PLPPR1: variants seen among roughly 807,000 people sequenced by gnomAD.
PLPPR1 encodes phospholipid phosphatase related 1.
In PLPPR1, 10 loss-of-function variants were observed where a neutral mutation model predicts 33.1. That is an observed-to-expected ratio of 0.30 (90% CI 0.19 to 0.51). The LOEUF (loss-of-function observed/expected upper bound fraction) is 0.51. Among genes scored for constraint, PLPPR1 ranks in the 20% least tolerant of loss-of-function variants. The pLI is 0.97. For synonymous variants in PLPPR1, 151 were observed against 151.0 expected (o/e 1.00, Z 0.00); for missense variants, 304 against 408.1 (o/e 0.74, Z 2.20).
rs568014363 is a variant in PLPPR1 at position 101,082,201 on chromosome 9, C to CCAAT, written c.-46+53100_-46+53103dup. Among the ~76,000 whole-genome samples the CCAAT allele has an allele frequency of 1.9e-4, 29 of 152,254 alleles. 1 individual carries two copies. In the South Asian group the frequency reaches 6.0e-3, roughly 32 times the overall value. On this transcript the variant is annotated intron_variant, in intron 1 of 7. Coordinates refer to ENST00000374874, the MANE Select transcript of PLPPR1 (RefSeq NM_207299.2). ...AATCCACCTATTAATACTATATCTTCCAATTTCTTGTTGAAAAAGTGGTGT... is the reference window on the plus strand; with the variant it reads ...AATCCACCTATTAATACTATATCTTCCAATCAATTTCTTGTTGAAAAAGTGGTGT...
chr9:101,237,455 C>CGTGTGT (rs57041590), intron 2 of PLPPR1, among the ~76,000 whole-genome samples: 8 of 148,510 alleles, frequency 5.4e-5, no homozygotes, highest in African/African-American at 2.0e-4. Context: ...AAAGAAAGGT[C>CGTGTGT]GTGTGTGTGT....
chr9:101,065,842 A>G (rs1049355834), intron 1 of PLPPR1, among the ~76,000 whole-genome samples: 6 of 152,220 alleles, frequency 3.9e-5, no homozygotes, highest in East Asian at 3.9e-4. Context: ...ATTTCAAAGC[A>G]GTTTTATTTT....
intron 7 of PLPPR1, among the ~76,000 whole-genome samples, 154 bp from the exon 8 acceptor site, chr9:101,323,871 G>A (rs781351350): frequency 6.6e-6 from 1 of 152,100 alleles, no homozygotes; most frequent in Admixed American, 6.6e-5. Context: ...AAAGAGGTAA[G>A]GGAAATTCAG....
intron 1 of PLPPR1, among the ~76,000 whole-genome samples, chr9:101,179,590 C>T (rs1053643380): frequency 3.9e-5 from 6 of 151,908 alleles, no homozygotes; most frequent in African/African-American, 1.2e-4. Context: ...GGTACATTTC[C>T]AGTTGTATGA....
At chr9:101,163,395 T>A (rs1825799399) in intron 1 of PLPPR1, among the ~76,000 whole-genome samples, 1 of 152,024 alleles carries the variant, frequency 6.6e-6, no homozygotes, top group Non-Finnish European at 1.5e-5. Context: ...TACAAAGGAG[T>A]AGACAGAAAT....
chr9:101,226,947 G>A lies in PLPPR1; in HGVS notation c.63+41390G>A, dbSNP rs541849705. 1.5e-4 allele frequency among the ~76,000 whole-genome samples: 23 copies of A among 152,234 alleles called. 1 individual carries two copies. In the South Asian group the frequency reaches 4.8e-3, roughly 32 times the overall value. On this transcript the variant is annotated intron_variant, in intron 2 of 7. Transcript: ENST00000374874. ...CTGTTGGGTGGCAGATCTTCTGTGA[G>A]GTAGCGGAACCTGAAAGGTGATGAC...
At chr9:101,205,459 A>C (rs1415820719) in intron 2 of PLPPR1, among the ~76,000 whole-genome samples, 1 of 152,190 alleles carries the variant, frequency 6.6e-6, no homozygotes. Context: ...ATAAATCATG[A>C]ATAAGTAATG....
intron 1 of PLPPR1, among the ~76,000 whole-genome samples, chr9:101,049,640 C>A (rs1410601842): frequency 6.6e-6 from 1 of 152,074 alleles, no homozygotes; most frequent in African/African-American, 2.4e-5. Context: ...AGGGGTAGAA[C>A]TAGGACTTAA....
intron 3 of PLPPR1, among the ~76,000 whole-genome samples, chr9:101,270,375 T>G (rs1386738601): frequency 6.6e-6 from 1 of 152,234 alleles, no homozygotes; most frequent in African/African-American, 2.4e-5. Context: ...GCTATTGTCC[T>G]CTTGAAAAAA....
intron 1 of PLPPR1, among the ~76,000 whole-genome samples, chr9:101,043,503 A>C (rs11790617): frequency 1.1e-3 from 167 of 152,066 alleles, no homozygotes; most frequent in Admixed American, 2.1e-3. Context: ...ATACATACAT[A>C]CATCAATATA....
intron 1 of PLPPR1, among the ~76,000 whole-genome samples, chr9:101,166,225 T>G (rs1418663763): frequency 6.6e-6 from 1 of 152,116 alleles, no homozygotes; most frequent in Non-Finnish European, 1.5e-5. Flanking sequence ...ACTTCCTATA[T>G]AGGATTCCCT....
At chr9:101,175,401 A>T (rs1177890614) in intron 1 of PLPPR1, among the ~76,000 whole-genome samples, 1 of 152,104 alleles carries the variant, frequency 6.6e-6, no homozygotes, top group Non-Finnish European at 1.5e-5. Context: ...TTTTCTTCTG[A>T]TTTTAAAATA....
At chr9:101,124,314 G>A (rs1349745007) in intron 1 of PLPPR1, among the ~76,000 whole-genome samples, 1 of 152,158 alleles carries the variant, frequency 6.6e-6, no homozygotes, top group Admixed American at 6.5e-5. Context: ...ATGCTGAATA[G>A]GGGTGATGAT....
At chr9:101,198,930 G>A (rs1236881632) in intron 2 of PLPPR1, among the ~76,000 whole-genome samples, 1 of 152,180 alleles carries the variant, frequency 6.6e-6, no homozygotes, top group Non-Finnish European at 1.5e-5. Context: ...AGATTATGCA[G>A]TGTATTTATC....
At chr9:101,080,773 C>A (rs1304576505) in intron 1 of PLPPR1, among the ~76,000 whole-genome samples, 1 of 152,166 alleles carries the variant, frequency 6.6e-6, no homozygotes, top group Non-Finnish European at 1.5e-5. Context: ...CAGTATGGGG[C>A]TTTGCACTCA....
intron 1 of PLPPR1, among the ~76,000 whole-genome samples, chr9:101,099,534 A>G (rs1326819162): frequency 6.6e-6 from 1 of 152,108 alleles, no homozygotes; most frequent in Admixed American, 6.6e-5. Context: ...ACATGGGGAG[A>G]AAAAGGATGG....
intron 1 of PLPPR1, among the ~76,000 whole-genome samples, chr9:101,060,399 G>A (rs753876772): frequency 6.6e-6 from 1 of 151,884 alleles, no homozygotes. Flanking sequence ...TCTATTGTAC[G>A]TCATAGTGAC....
chr9:101,098,388 G>T (rs993848455), intron 1 of PLPPR1, among the ~76,000 whole-genome samples: 8 of 152,080 alleles, frequency 5.3e-5, no homozygotes, highest in Non-Finnish European at 2.9e-5. Context: ...ACAGTCAATC[G>T]AGGCACTTCT....
At chr9:101,117,846 A>G (rs75472631) in intron 1 of PLPPR1, among the ~76,000 whole-genome samples, 140 of 152,284 alleles carry the variant, frequency 9.2e-4, no homozygotes, top group African/African-American at 3.3e-3. Context: ...TGAGCACTCA[A>G]TAAACATTCC....
Sources: allele counts gnomAD v4.1 joint callset (sites outside exome capture counted in the v4.1 genomes callset), GRCh38; gene constraint gnomAD v4.1.1; transcripts MANE v1.5; gene names NCBI Gene and HGNC (gene_info 2026-07-23, HGNC 2026-07-21).